Variants in WDR72 observed in about 807,000 individuals in gnomAD.
WDR72 encodes WD repeat domain 72.
A neutral mutation model predicts 124.2 loss-of-function variants in WDR72; 120 were observed. That is an observed-to-expected ratio of 0.97 (90% CI 0.83 to 1.12). The LOEUF is 1.12. Among genes scored for constraint, WDR72 ranks in the 50% most tolerant of loss-of-function variants. The pLI is 0.00. For synonymous variants in WDR72, 452 were observed against 441.7 expected (o/e 1.02, Z -0.29); for missense variants, 1,387 against 1,278.8 (o/e 1.08, Z -1.29).
chr15:53,713,423 A>ATTTTATTTTG (rs1555427183), intron 6 of WDR72, among the ~76,000 whole-genome samples: 6,459 of 128,082 alleles, frequency 0.05, 345 homozygotes, highest in African/African-American at 0.1. Flanking sequence ...ATTTTATTTT[A>ATTTTATTTTG]TTTTATTTTA....
intron 18 of WDR72, among the ~76,000 whole-genome samples, chr15:53,581,600 T>A (rs2011931415): frequency 6.6e-6 from 1 of 152,076 alleles, no homozygotes; most frequent in Non-Finnish European, 1.5e-5. Flanking sequence ...AACCTTAGCA[T>A]TAATTTTCTG....
Position 53,711,499 on chromosome 15 carries a change from T to G in WDR72, c.712-18A>C, listed in dbSNP as rs750316071. On this transcript the variant is annotated intron_variant, in intron 7 of 19. Coordinates refer to ENST00000360509, the MANE Select transcript of WDR72 (RefSeq NM_182758.4). Reference sequence around the variant, plus strand: ...TCATAAACCTAAAATATGAAGTTGATGCACATTATCAAAGGCTTAAATCTA... The same window carrying G: ...TCATAAACCTAAAATATGAAGTTGAGGCACATTATCAAAGGCTTAAATCTA... 11 of 1,613,606 alleles carry G rather than the reference T, an allele frequency of 6.8e-6. No individual in the cohort carries two copies. The Admixed American group carries it at 1.8e-4, about 27-fold the overall frequency.
At chr15:53,571,187 C>G (rs1488903373) in intron 18 of WDR72, among the ~76,000 whole-genome samples, 1 of 151,848 alleles carries the variant, frequency 6.6e-6, no homozygotes, top group Non-Finnish European at 1.5e-5. Context: ...CTATTGGGTA[C>G]TATGTTTATT....
intron 18 of WDR72, among the ~76,000 whole-genome samples, chr15:53,583,841 G>A (rs2012060316): frequency 6.6e-6 from 1 of 152,010 alleles, no homozygotes; most frequent in Non-Finnish European, 1.5e-5. Context: ...TAGATGGCTT[G>A]AAGAGATGGA....
At chr15:53,719,886 C>T (rs1016071870) in intron 3 of WDR72, among the ~76,000 whole-genome samples, 1 of 152,164 alleles carries the variant, frequency 6.6e-6, no homozygotes, top group African/African-American at 2.4e-5. Flanking sequence ...TCTCTGGGCT[C>T]ATCTCTTGCC....
chr15:53,637,005 C>G (rs1455680221), intron 14 of WDR72, among the ~76,000 whole-genome samples: 1 of 152,168 alleles, frequency 6.6e-6, no homozygotes, highest in East Asian at 1.9e-4. Context: ...AGATCCCTTG[C>G]TCTCATTTCC....
intron 9 of WDR72, 114 bp downstream of exon 9, chr15:53,710,743 G>A (rs933249085): frequency 1.1e-4 from 90 of 845,212 alleles, no homozygotes; most frequent in Non-Finnish European, 1.5e-4. Context: ...TTAACAACTT[G>A]ATGGGATGCT....
chr15:53,627,824 CTA>C (rs780523876), intron 14 of WDR72, among the ~76,000 whole-genome samples: 6 of 152,024 alleles, frequency 3.9e-5, no homozygotes, highest in East Asian at 3.8e-4. Flanking sequence ...AATCATAAAT[CTA>C]TGTTTTTCTC....
rs941814880 is a variant in WDR72 at position 53,515,891 on chromosome 15, C to G, written c.*1808G>C. The G allele has an allele frequency of 6.6e-6, 1 of 152,050 alleles. No homozygotes were observed. The highest frequency in any genetic ancestry group is 2.4e-5 in the African/African-American group (1 of 41,404). The allele number at this position is 152,050 out of a possible 1,614,324, so 9.4% of individuals were successfully genotyped here. The stretch of plus-strand genomic sequence containing the variant: ...TTTCATAAACATATCATAACCTGAG[C>G]GTCCAAATAGATTTTAACAATTAAA... On this transcript the variant is annotated 3_prime_UTR_variant, in exon 20 of 20. Transcript: ENST00000360509.
chr15:53,703,627 C>T (rs1489501339), intron 11 of WDR72, among the ~76,000 whole-genome samples: 1 of 151,886 alleles, frequency 6.6e-6, no homozygotes, highest in Non-Finnish European at 1.5e-5. Context: ...GGCATATGGG[C>T]ATTTCAAATC....
In WDR72 at chr15:53,733,137, G is replaced by T; in HGVS notation, c.13C>A (p.Leu5Met). The T allele has an allele frequency of 1.2e-6, 2 of 1,613,950 alleles. No individual in the cohort carries two copies. Among genetic ancestry groups the T allele is most frequent in the Non-Finnish European group, 1.7e-6 (2 of 1,179,948 alleles). Residue 5 changes from leucine to methionine, a missense_variant, in exon 2 of 20, where the codon CTG becomes ATG. Leu to Met is a conservative substitution (Grantham distance 15, BLOSUM62 2). Transcript: ENST00000360509. The stretch of plus-strand genomic sequence containing the variant: ...TGTCCCCAGAGTGCCACTGCCTGCA[G>T]GGAAGTCCTCATTTTGGGCGAATCC... Reference protein sequence around the residue: MRTSLQAVALWGQKA... With the variant: MRTSMQAVALWGQKA...
At chr15:53,571,357 C>G (rs1223027624) in intron 18 of WDR72, among the ~76,000 whole-genome samples, 4 of 152,070 alleles carry the variant, frequency 2.6e-5, no homozygotes, top group Non-Finnish European at 5.9e-5. Context: ...ATCCTTTGAC[C>G]AATGTCTCTT....
At chr15:53,670,390 T>A (rs1567017094) in intron 13 of WDR72, among the ~76,000 whole-genome samples, 1 of 152,168 alleles carries the variant, frequency 6.6e-6, no homozygotes, top group Non-Finnish European at 1.5e-5. Context: ...AGAACCATAT[T>A]GACAGGATTT....
chr15:53,562,395 AT>A (rs751190419), intron 18 of WDR72, among the ~76,000 whole-genome samples: 2 of 151,762 alleles, frequency 1.3e-5, no homozygotes, highest in Non-Finnish European at 2.9e-5. Flanking sequence ...TTTAGTGTAA[AT>A]TAGAAGCAAC....
chr15:53,705,168 T>G lies in WDR72; in HGVS notation c.1168A>C (p.Ser390Arg). 1 of 1,614,094 alleles carries G rather than the reference T, an allele frequency of 6.2e-7. No individual in the cohort carries two copies. The highest frequency in any genetic ancestry group is 8.5e-7 in the Non-Finnish European group (1 of 1,180,016). The change falls in exon 11 of 20, where the codon AGT (serine) becomes CGT (arginine). Residue 390 changes from serine (S) to arginine (R), a missense_variant. Ser to Arg is a moderately radical substitution (Grantham distance 110). Coordinates refer to ENST00000360509, the MANE Select transcript of WDR72 (RefSeq NM_182758.4). ...NFDKHDTMSQ[S>R]IIDYFSGLKD... is the part of the protein sequence containing the mutation. Reference sequence around the variant, plus strand: ...AGCCCAGAGAAATAGTCAATAATACTTTGTGACATAGTATCATGCTTATCA... The same window carrying G: ...AGCCCAGAGAAATAGTCAATAATACGTTGTGACATAGTATCATGCTTATCA...
Position 53,597,193 on chromosome 15 carries a change from G to A in WDR72, c.3034C>T (p.Gln1012Ter). 1 of 1,613,922 alleles carries A rather than the reference G, an allele frequency of 6.2e-7. No homozygotes were observed. The highest frequency in any genetic ancestry group is 8.5e-7 in the Non-Finnish European group (1 of 1,179,888). ...KSLGKIPVNS[Q>*]PVSMAENGNC... Reference sequence around the variant, plus strand: ...CCATTCTCTGCCATGGACACTGGTTGACTATTGACGGGTATCTTTCCCAAA... The same window carrying A: ...CCATTCTCTGCCATGGACACTGGTTAACTATTGACGGGTATCTTTCCCAAA... Residue 1012 changes from glutamine (Q) to a stop codon, truncating the protein, a stop_gained, in exon 18 of 20, where the codon CAA (glutamine) becomes TAA (stop). Transcript: ENST00000360509. LOFTEE classifies it high-confidence loss of function.
intron 14 of WDR72, among the ~76,000 whole-genome samples, chr15:53,631,945 A>G (rs1200403554): frequency 2.0e-5 from 3 of 152,218 alleles, no homozygotes; most frequent in Non-Finnish European, 4.4e-5. Flanking sequence ...AGTAGAGCAT[A>G]TAAGTGTGGA....
At chr15:53,665,545 G>A (rs758657950) in intron 14 of WDR72, 27 bp downstream of exon 14, 2 of 1,612,800 alleles carry the variant, frequency 1.2e-6, no homozygotes, top group Admixed American at 3.3e-5. Context: ...AATGTTCTTT[G>A]TGAACAACAG....
intron 1 of WDR72, among the ~76,000 whole-genome samples, chr15:53,737,237 G>A (rs2018382748): frequency 1.3e-5 from 2 of 152,140 alleles, no homozygotes; most frequent in South Asian, 4.1e-4. Context: ...ACAAGGAAGT[G>A]CTCAAATAGT....
Sources: gnomAD v4.1 joint callset for allele counts (sites outside exome capture counted in the v4.1 genomes callset) on GRCh38, gnomAD v4.1.1 for gene constraint, MANE v1.5 for transcripts, NCBI Gene and HGNC (gene_info 2026-07-23, HGNC 2026-07-21) for gene names.